The following INSYN2B variants were observed in gnomAD, a reference collection of about 807,000 sequenced individuals.
The protein encoded by INSYN2B is inhibitory synaptic factor family member 2B, also known as protein INSYN2B.
In INSYN2B, 16 loss-of-function variants were observed where a neutral mutation model predicts 41.2. The ratio of observed to expected loss-of-function variants is 0.39; its 90% CI spans 0.26 to 0.59. The LOEUF is 0.59. Among genes scored for constraint, INSYN2B ranks in the 20% least tolerant of loss-of-function variants. The probability of loss-of-function intolerance (pLI) is 0.57; values close to 1 mark genes in which losing one functional copy is unlikely to be tolerated. For missense variants in INSYN2B, 608 were observed against 646.4 expected (o/e 0.94, Z 0.64); for synonymous variants, 245 against 244.4 (o/e 1.00, Z -0.02).
chr5:169,947,748 CCT>C (rs373636719), intron 1 of INSYN2B, among the ~76,000 whole-genome samples: 1 of 152,304 alleles, frequency 6.6e-6, no homozygotes, highest in East Asian at 1.9e-4. Context: ...CTTCAAATTA[CCT>C]GTTACCTAGA....
At chr5:169,974,836 CT>C in intron 1 of INSYN2B, among the ~76,000 whole-genome samples, 1 of 150,646 alleles carries the variant, frequency 6.6e-6, no homozygotes, top group Non-Finnish European at 1.5e-5. Flanking sequence ...TGTGACCCCC[CT>C]CCCCCCGACA....
At chr5:169,951,457 T>C (rs182474428) in intron 1 of INSYN2B, among the ~76,000 whole-genome samples, 31 of 152,348 alleles carry the variant, frequency 2.0e-4, no homozygotes, top group Middle Eastern at 3.4e-3. Context: ...CATAGTCTTC[T>C]GGCTTAGAAA....
At chr5:169,921,611 T>C (rs555600352) in intron 1 of INSYN2B, among the ~76,000 whole-genome samples, 6 of 152,320 alleles carry the variant, frequency 3.9e-5, no homozygotes, top group African/African-American at 1.4e-4. Context: ...CTGTTTAACT[T>C]TGTTTAACCC....
chr5:169,894,063 T>C (rs926420658), intron 1 of INSYN2B, among the ~76,000 whole-genome samples: 2 of 152,222 alleles, frequency 1.3e-5, no homozygotes, highest in East Asian at 3.9e-4. Flanking sequence ...GTCGTTGTAC[T>C]AAAAACGACA....
At chr5:169,905,311 G>T (rs1211175949) in intron 1 of INSYN2B, among the ~76,000 whole-genome samples, 2 of 150,144 alleles carry the variant, frequency 1.3e-5, no homozygotes, top group Non-Finnish European at 1.5e-5. Flanking sequence ...TTTTTTTCAG[G>T]AGAAGCCAGA....
Position 169,980,398 on chromosome 5 carries a change from C to T in INSYN2B, c.-1040G>A, listed in dbSNP as rs192630664. ...AATAAGTCCTTCATATTGTAATTTT[C>T]ACTGTTTATATGCAAGAAGTGTAGT... On this transcript the variant is annotated 5_prime_UTR_variant, in exon 1 of 4. The change abolishes the stop of an existing upstream ORF in the 5' untranslated region. Coordinates refer to ENST00000377365, the MANE Select transcript of INSYN2B (RefSeq NM_001129891.3). 40 of 152,290 alleles carry T rather than the reference C, an allele frequency of 2.6e-4. No homozygotes were observed. Among genetic ancestry groups the T allele is most frequent in the Admixed American group, 2.3e-3 (35 of 15,298 alleles). 9.4% of individuals were successfully genotyped at this position (152,290 alleles called of 1,614,324 possible).
chr5:169,878,081 C>T (rs1317799348), intron 3 of INSYN2B, among the ~76,000 whole-genome samples: 1 of 152,162 alleles, frequency 6.6e-6, no homozygotes, highest in East Asian at 1.9e-4. Flanking sequence ...TCAAAGACCT[C>T]TAAAGAAGCA....
chr5:169,870,602 A>C (rs1771897636), intron 3 of INSYN2B, among the ~76,000 whole-genome samples: 1 of 151,750 alleles, frequency 6.6e-6, no homozygotes, highest in Admixed American at 6.6e-5. Flanking sequence ...TTGATTTTTT[A>C]AAATTTTATT....
chr5:169,899,414 C>T (rs917331832), intron 1 of INSYN2B, among the ~76,000 whole-genome samples: 19 of 152,158 alleles, frequency 1.2e-4, no homozygotes, highest in African/African-American at 4.6e-4. Flanking sequence ...GAGAGCCTGC[C>T]TACCACCTAC....
rs1182278077 is a variant in INSYN2B, at chr5:169,884,438, G to A, written c.-540C>T. On this transcript the variant is annotated 5_prime_UTR_variant, in exon 2 of 4. Transcript: ENST00000377365. ...ATCTTCTTTCCATAGCAGGTAAACA[G>A]GTGGAGAAATAAATGACCTGGAGGT... is the stretch of plus-strand genomic sequence containing the variant. 1 of 152,320 alleles carries A rather than the reference G, an allele frequency of 6.6e-6. No homozygotes were observed. The highest frequency in any genetic ancestry group is 1.5e-5 in the Non-Finnish European group (1 of 68,144). 9.4% of individuals were successfully genotyped at this position (152,320 alleles called of 1,614,324 possible). A position where few individuals can be genotyped will look rare whatever the true frequency, so the allele number is the denominator to read the frequency against.
At chr5:169,934,722 G>T (rs1295167253) in intron 1 of INSYN2B, 1 of 456,236 alleles carries the variant, frequency 2.2e-6, no homozygotes, top group Admixed American at 2.3e-5. Context: ...TCTGCCAAGG[G>T]TTAGCACAGG....
chr5:169,897,525 G>A (rs1432223937), intron 1 of INSYN2B, among the ~76,000 whole-genome samples: 1 of 152,140 alleles, frequency 6.6e-6, no homozygotes, highest in East Asian at 1.9e-4. Flanking sequence ...AAGAGCAAAC[G>A]GAAAGACATG....
At chr5:169,962,558 A>G (rs1190657016) in intron 1 of INSYN2B, among the ~76,000 whole-genome samples, 2 of 152,192 alleles carry the variant, frequency 1.3e-5, no homozygotes, top group African/African-American at 4.8e-5. Context: ...TGTGTCTATC[A>G]CTAGATCTGC....
chr5:169,977,796 A>G (rs1383951694), intron 1 of INSYN2B, among the ~76,000 whole-genome samples: 1 of 152,198 alleles, frequency 6.6e-6, no homozygotes, highest in Non-Finnish European at 1.5e-5. Flanking sequence ...TACAATTCTG[A>G]ACTGCCTGAT....
chr5:169,904,313 C>CT, intron 1 of INSYN2B, among the ~76,000 whole-genome samples: 1 of 151,448 alleles, frequency 6.6e-6, no homozygotes, highest in East Asian at 1.9e-4. Context: ...TTGTCCCTTC[C>CT]TTTTTCTTGC....
chr5:169,910,796 G>A (rs1031881274), intron 1 of INSYN2B, among the ~76,000 whole-genome samples: 2 of 152,224 alleles, frequency 1.3e-5, no homozygotes, highest in African/African-American at 4.8e-5. Flanking sequence ...AATGGCAGGT[G>A]CCCCTTCTGC....
intron 3 of INSYN2B, among the ~76,000 whole-genome samples, chr5:169,866,727 C>A (rs907126814): frequency 1.3e-5 from 2 of 152,202 alleles, no homozygotes; most frequent in Non-Finnish European, 2.9e-5. Flanking sequence ...TGCAGACTCA[C>A]ATACTGACTG....
intron 1 of INSYN2B, among the ~76,000 whole-genome samples, chr5:169,940,050 G>T (rs1375751696): frequency 6.6e-6 from 1 of 152,188 alleles, no homozygotes; most frequent in African/African-American, 2.4e-5. Flanking sequence ...TTTTCTCACT[G>T]TGTCATCTAG....
intron 1 of INSYN2B, among the ~76,000 whole-genome samples, chr5:169,898,053 TG>T (rs1229163731): frequency 6.6e-6 from 1 of 152,240 alleles, no homozygotes; most frequent in Admixed American, 6.5e-5. Flanking sequence ...TGAGTGGATT[TG>T]GGGAGAGAGT....
Sources: gnomAD v4.1 joint callset for allele counts (sites outside exome capture counted in the v4.1 genomes callset) on GRCh38, gnomAD v4.1.1 for gene constraint, MANE v1.5 for transcripts, NCBI Gene and HGNC (gene_info 2026-07-23, HGNC 2026-07-21) for gene names.